The following RBFOX1 variants were observed in gnomAD, a reference collection of about 807,000 sequenced individuals.
RBFOX1 encodes the protein RNA binding fox-1 homolog 1.
Under a neutral mutation model 57.7 loss-of-function variants are expected in RBFOX1, and 8 were observed. The ratio of observed to expected loss-of-function variants is 0.14; its 90% CI spans 0.08 to 0.25. The LOEUF (loss-of-function observed/expected upper bound fraction) is 0.25, where lower values mean the gene tolerates loss of function less well. Ranked by LOEUF, RBFOX1 falls within the 10% of genes least tolerant of loss-of-function variation. The pLI, the probability that RBFOX1 is intolerant of heterozygous loss-of-function variation, is 1.00. For missense variants in RBFOX1, 611 were observed against 548.5 expected, an observed-to-expected ratio of 1.11 and a Z score of -1.14; for synonymous variants, 326 against 222.4, an observed-to-expected ratio of 1.47 and a Z score of -4.15.
intron 1 of RBFOX1, among the ~76,000 whole-genome samples, chr16:5,311,255 T>A (rs1232379031): frequency 1.3e-5 from 2 of 152,210 alleles, no homozygotes; most frequent in African/African-American, 2.4e-5. Context: ...CACACACATA[T>A]ACACACACAT....
chr16:7,288,764 C>T (rs1336488346), intron 4 of RBFOX1, among the ~76,000 whole-genome samples: 1 of 152,192 alleles, frequency 6.6e-6, no homozygotes, highest in Admixed American at 6.6e-5. Flanking sequence ...TCACTTGAAC[C>T]CAGGGGATGG....
At chr16:6,389,159 C>G (rs2092462542) in intron 2 of RBFOX1, among the ~76,000 whole-genome samples, 1 of 152,160 alleles carries the variant, frequency 6.6e-6, no homozygotes, top group Non-Finnish European at 1.5e-5. Context: ...ATGAGGAGGA[C>G]TCAGATGATG....
At chr16:7,237,989 G>A (rs531287639) in intron 4 of RBFOX1, among the ~76,000 whole-genome samples, 4 of 152,318 alleles carry the variant, frequency 2.6e-5, no homozygotes, top group Non-Finnish European at 4.4e-5. Context: ...AGGCAAGAAA[G>A]CAAGACCCTG....
intron 2 of RBFOX1, among the ~76,000 whole-genome samples, chr16:5,508,225 T>C (rs926717722): frequency 6.6e-6 from 1 of 152,160 alleles, no homozygotes; most frequent in African/African-American, 2.4e-5. Context: ...ATGCAGGCAT[T>C]GGCCAGGGCG....
chr16:6,834,501 TTGATGAA>T lies in RBFOX1; in HGVS notation c.-16+179855_-16+179861del, dbSNP rs1285642349. Among the ~76,000 whole-genome samples the T allele has an allele frequency of 1.6e-5, 2 of 121,808 alleles. 1 individual carries two copies. Among genetic ancestry groups the T allele is most frequent in the Non-Finnish European group, 3.3e-5 (2 of 61,256 alleles). 79.9% of individuals were successfully genotyped at this position (121,808 alleles called of 152,430 possible). On this transcript the variant is annotated intron_variant, in intron 3 of 15. Transcript: ENST00000550418. ...AGAGAAAGTACTCAGTAACTGTTTA[TTGATGAA>T]TGAATGAATGAATGAATGAATCAGT...
At chr16:6,835,704 A>G (rs1458710098) in intron 3 of RBFOX1, among the ~76,000 whole-genome samples, 1 of 150,490 alleles carries the variant, frequency 6.6e-6, no homozygotes, top group Non-Finnish European at 1.5e-5. Flanking sequence ...CAGTGAACCA[A>G]GATTGAGTCA....
At chr16:6,253,331 C>T (rs1217624079) in intron 1 of RBFOX1, among the ~76,000 whole-genome samples, 9 of 152,150 alleles carry the variant, frequency 5.9e-5, no homozygotes, top group Admixed American at 3.9e-4. Context: ...CTGTCACTGA[C>T]GTTGCACCTA....
intron 2 of RBFOX1, among the ~76,000 whole-genome samples, chr16:6,509,507 G>C (rs1236973214): frequency 6.6e-6 from 1 of 152,146 alleles, no homozygotes; most frequent in Non-Finnish European, 1.5e-5. Context: ...CATGGAGACA[G>C]AAAGTAGAAG....
In RBFOX1 at chr16:6,032,695, C is replaced by T. The variant is rs57665334; in HGVS notation, c.-127+12703C>T. 7.2e-4 allele frequency among the ~76,000 whole-genome samples: 110 copies of T among 151,856 alleles called. 2 individuals are homozygous for T. In the East Asian group the frequency reaches 0.02, roughly 27 times the overall value. On this transcript the variant is annotated intron_variant, in intron 1 of 15. Transcript: ENST00000550418. ...TTTTTAAAGCAACATTAATTATTTT[C>T]GGTAGTAAAAACAACACAAGTATAT...
intron 4 of RBFOX1, among the ~76,000 whole-genome samples, chr16:7,159,511 G>A (rs956280587): frequency 3.3e-5 from 5 of 152,172 alleles, no homozygotes; most frequent in Admixed American, 2.0e-4. Context: ...TGGAAATCAC[G>A]CTCCATGCGC....
intron 3 of RBFOX1, among the ~76,000 whole-genome samples, chr16:7,025,111 G>A (rs921451516): frequency 6.6e-6 from 1 of 152,164 alleles, no homozygotes; most frequent in South Asian, 2.1e-4. Context: ...GAATGTAGAG[G>A]AATAAAAGAA....
At chr16:6,109,500 G>T (rs2096419499) in intron 1 of RBFOX1, among the ~76,000 whole-genome samples, 1 of 152,140 alleles carries the variant, frequency 6.6e-6, no homozygotes, top group African/African-American at 2.4e-5. Context: ...GTTAGTCGAT[G>T]ATATATTTGT....
chr16:7,114,143 C>T (rs577001390), intron 4 of RBFOX1, among the ~76,000 whole-genome samples: 6 of 152,292 alleles, frequency 3.9e-5, no homozygotes, highest in African/African-American at 1.2e-4. Context: ...TTTTAACTTT[C>T]AGTTGTACTT....
chr16:5,771,831 A>G (rs1198932252), intron 3 of RBFOX1, among the ~76,000 whole-genome samples: 2 of 152,140 alleles, frequency 1.3e-5, no homozygotes, highest in Non-Finnish European at 2.9e-5. Flanking sequence ...GTGATGACAT[A>G]GTTATTTCGT....
At chr16:6,195,225 C>G (rs2097172052) in intron 1 of RBFOX1, among the ~76,000 whole-genome samples, 1 of 152,130 alleles carries the variant, frequency 6.6e-6, no homozygotes, top group African/African-American at 2.4e-5. Flanking sequence ...TATAGGTTTT[C>G]TTTCATCTTG....
intron 4 of RBFOX1, among the ~76,000 whole-genome samples, chr16:7,198,651 G>A (rs1309385886): frequency 6.6e-6 from 1 of 152,166 alleles, no homozygotes; most frequent in African/African-American, 2.4e-5. Context: ...CATGGTGGAA[G>A]GGCAAGAGGG....
At chr16:6,821,079 A>G (rs1397396422) in intron 3 of RBFOX1, among the ~76,000 whole-genome samples, 1 of 152,210 alleles carries the variant, frequency 6.6e-6, no homozygotes, top group Non-Finnish European at 1.5e-5. Flanking sequence ...AACACATCTC[A>G]GAAATGTTAA....
chr16:7,230,162 C>T (rs553053808), intron 4 of RBFOX1, among the ~76,000 whole-genome samples: 4 of 150,638 alleles, frequency 2.7e-5, no homozygotes, highest in Admixed American at 6.6e-5. Context: ...TTTCTGCGTT[C>T]GTTTACTCAT....
intron 1 of RBFOX1, among the ~76,000 whole-genome samples, chr16:5,345,204 T>A (rs1382693707): frequency 1.3e-5 from 2 of 152,128 alleles, no homozygotes; most frequent in Non-Finnish European, 2.9e-5. Context: ...CCAGTCCCTT[T>A]CTTTAGTTCT....
Sources: gnomAD v4.1 joint callset for allele counts (sites outside exome capture counted in the v4.1 genomes callset) on GRCh38, gnomAD v4.1.1 for gene constraint, MANE v1.5 for transcripts, NCBI Gene and HGNC (gene_info 2026-07-23, HGNC 2026-07-21) for gene names.